The following LCMT1 variants were observed in gnomAD, a reference collection of about 807,000 sequenced individuals.
LCMT1 encodes [Phosphatase 2A protein]-leucine-carboxy methyltransferase 1.
LCMT1 carries 32 observed loss-of-function variants against 47.7 expected under a neutral mutation model. The ratio of observed to expected loss-of-function variants is 0.67; its 90% CI spans 0.51 to 0.90. The LOEUF (loss-of-function observed/expected upper bound fraction) is 0.90, where lower values mean the gene tolerates loss of function less well. Ranked by LOEUF, LCMT1 falls within the 40% of genes least tolerant of loss-of-function variation. The pLI, the probability that LCMT1 is intolerant of heterozygous loss-of-function variation, is 0.00. For synonymous variants in LCMT1, 152 were observed against 149.7 expected (o/e 1.02, Z -0.11); for missense variants, 375 against 415.2 (o/e 0.90, Z 0.84).
chr16:25,127,717 T>C (rs985128478), intron 1 of LCMT1, among the ~76,000 whole-genome samples: 2 of 152,204 alleles, frequency 1.3e-5, no homozygotes, highest in Admixed American at 6.5e-5. Flanking sequence ...AAGGCACTTA[T>C]CTCACAAAAT....
intron 1 of LCMT1, among the ~76,000 whole-genome samples, chr16:25,112,219 C>G (rs1447446903): frequency 1.3e-5 from 2 of 152,184 alleles, no homozygotes; most frequent in Non-Finnish European, 2.9e-5. Context: ...GCCTGGGTAT[C>G]GTCGATGGGA....
chr16:25,118,453 C>T (rs1667937227), intron 1 of LCMT1, among the ~76,000 whole-genome samples: 1 of 152,206 alleles, frequency 6.6e-6, no homozygotes, highest in African/African-American at 2.4e-5. Context: ...TATGGAGGTG[C>T]TGTCCTAGAC....
At chr16:25,144,483 G>T (rs1194230737) in intron 4 of LCMT1, 1 of 152,412 alleles carries the variant, frequency 6.6e-6, no homozygotes. Context: ...AGGCCTGCTG[G>T]AGTCTGTTTT....
intron 6 of LCMT1, 135 bp from the exon 7 acceptor site, chr16:25,164,463 T>C (rs764803740): frequency 4.4e-6 from 4 of 908,526 alleles, no homozygotes; most frequent in Non-Finnish European, 5.1e-6. Flanking sequence ...CTGTCCTGAC[T>C]GGGGCTGTGC....
intron 8 of LCMT1, among the ~76,000 whole-genome samples, chr16:25,169,854 A>AAAG (rs1309956973): frequency 3.3e-5 from 5 of 152,082 alleles, no homozygotes; most frequent in African/African-American, 1.2e-4. Context: ...ACTCTATGTT[A>AAAG]ATGCCCCCTC....
chr16:25,137,769 T>G (rs1163808516), intron 3 of LCMT1, among the ~76,000 whole-genome samples: 1 of 152,110 alleles, frequency 6.6e-6, no homozygotes, highest in South Asian at 2.1e-4. Flanking sequence ...AAAAGATAAA[T>G]CCCAGCCTGG....
chr16:25,141,817 G>A (rs117182217), intron 4 of LCMT1: 1,916 of 152,352 alleles, frequency 0.013, 22 homozygotes, highest in Non-Finnish European at 0.021. Context: ...GTGCAGGGAG[G>A]CTTGATGTCC....
At position 25,128,672 on chromosome 16, in the gene LCMT1, A is replaced by G. The variant is rs765966243; in HGVS notation, c.205+106A>G. 8 of 804,988 alleles carry G rather than the reference A, an allele frequency of 9.9e-6. No individual in the cohort carries two copies. In the Admixed American group the frequency reaches 1.7e-4, roughly 17 times the overall value. The allele number at this position is 804,988 out of a possible 1,614,324, so 49.9% of individuals were successfully genotyped here. The stretch of plus-strand genomic sequence containing the variant: ...TGTGCTCCCTTTCCAGCTGTGCGCA[A>G]AAGTGCTTATTTCCCCAGATCTTCA... On this transcript the variant is annotated intron_variant, in intron 2 of 10. Transcript: ENST00000399069.
At position 25,170,835 on chromosome 16, in the gene LCMT1, G is replaced by A. The variant is rs192863148; in HGVS notation, c.884+30G>A. The A allele has an allele frequency of 1.7e-3, 2,386 of 1,438,140 alleles. 7 individuals carry two copies. Among genetic ancestry groups the A allele is most frequent in the Admixed American group, 1.7e-3 (98 of 56,576 alleles). 89.1% of individuals were successfully genotyped at this position (1,438,140 alleles called of 1,614,324 possible). A position where few individuals can be genotyped will look rare whatever the true frequency, so the allele number is the denominator to read the frequency against. On this transcript the variant is annotated intron_variant, in intron 9 of 10. Coordinates refer to ENST00000399069, the MANE Select transcript of LCMT1 (RefSeq NM_016309.3). ...GGGGTTGGTGAGCGTCAGCTTGATG[G>A]GCATTCATTGTGAACTCAAGGCATG... is the stretch of plus-strand genomic sequence containing the variant.
chr16:25,158,968 A>C (rs1002701235), intron 5 of LCMT1: 1 of 151,950 alleles, frequency 6.6e-6, no homozygotes, highest in Non-Finnish European at 1.5e-5. Flanking sequence ...GGTGAGCCTC[A>C]AGTCACTGAC....
At chr16:25,154,618 C>T (rs996710699) in intron 5 of LCMT1, among the ~76,000 whole-genome samples, 2 of 151,582 alleles carry the variant, frequency 1.3e-5, no homozygotes, top group Non-Finnish European at 2.9e-5. Flanking sequence ...TCCCAAGTAG[C>T]TGGGACTACA....
intron 5 of LCMT1, among the ~76,000 whole-genome samples, chr16:25,158,605 T>A (rs1257579693): frequency 1.3e-5 from 2 of 152,236 alleles, no homozygotes; most frequent in Non-Finnish European, 2.9e-5. Context: ...GATAAGGATT[T>A]TTCTGTTCTC....
At chr16:25,137,244 GGCT>G (rs1483578444) in intron 3 of LCMT1, among the ~76,000 whole-genome samples, 4 of 152,092 alleles carry the variant, frequency 2.6e-5, no homozygotes, top group Non-Finnish European at 5.9e-5. Flanking sequence ...GTGTTGGCCA[GGCT>G]GGTCTCGAAC....
intron 5 of LCMT1, among the ~76,000 whole-genome samples, chr16:25,155,576 C>T (rs1961228830): frequency 6.6e-6 from 1 of 152,028 alleles, no homozygotes; most frequent in Non-Finnish European, 1.5e-5. Context: ...AAATTGGGTT[C>T]TGTTACCTCC....
chr16:25,161,359 CTT>C (rs377602015), intron 6 of LCMT1, among the ~76,000 whole-genome samples, 155 bp downstream of exon 6: 12 of 141,806 alleles, frequency 8.5e-5, no homozygotes, highest in East Asian at 2.0e-4. Flanking sequence ...GAAAAAAATT[CTT>C]TTTTTTTTTT....
chr16:25,160,658 C>T (rs1961397740), intron 5 of LCMT1: 2 of 459,616 alleles, frequency 4.4e-6, no homozygotes, highest in Non-Finnish European at 8.8e-6. Flanking sequence ...TTAGAAATAC[C>T]ATGTCTCATA....
Position 25,156,941 on chromosome 16 carries a change from T to G in LCMT1, c.467-4161T>G, listed in dbSNP as rs1044426850. Among the ~76,000 whole-genome samples, 21 of 64,668 alleles carry G rather than the reference T, an allele frequency of 3.2e-4. No homozygotes were observed. The South Asian group carries it at 8.0e-3, about 25-fold the overall frequency. The allele number at this position is 64,668 out of a possible 152,430, so 42.4% of individuals were successfully genotyped here. A position where few individuals can be genotyped will look rare whatever the true frequency, so the allele number is the denominator to read the frequency against. On this transcript the variant is annotated intron_variant, in intron 5 of 10. Transcript: ENST00000399069. ...TGCCTGAGGCTGTCTCCATTTTACC[T>G]TTTTTTTTTTTTTTTTTTTAATTGA...
At chr16:25,138,953 A>G (rs1320014899) in intron 3 of LCMT1, among the ~76,000 whole-genome samples, 2 of 149,226 alleles carry the variant, frequency 1.3e-5, no homozygotes, top group Non-Finnish European at 3.0e-5. Flanking sequence ...TTTTTATTTT[A>G]TCTTTGAGAC....
intron 10 of LCMT1, among the ~76,000 whole-genome samples, chr16:25,175,878 C>G (rs1031625338): frequency 1.2e-4 from 18 of 152,198 alleles, no homozygotes; most frequent in South Asian, 6.2e-4. Context: ...ACCAAGAGAA[C>G]TGTTTAAGCC....
Sources: gnomAD v4.1 joint callset for allele counts (sites outside exome capture counted in the v4.1 genomes callset) on GRCh38, gnomAD v4.1.1 for gene constraint, MANE v1.5 for transcripts, NCBI Gene and HGNC (gene_info 2026-07-23, HGNC 2026-07-21) for gene names.